PRNP: variants seen among roughly 807,000 people sequenced by gnomAD.
The protein encoded by PRNP is major prion protein.
A neutral mutation model predicts 21.3 loss-of-function variants in PRNP; 15 were observed. That is an observed-to-expected ratio of 0.71 (90% confidence interval 0.47 to 1.09). The LOEUF (loss-of-function observed/expected upper bound fraction) is 1.09, where lower values mean the gene tolerates loss of function less well. Ranked by LOEUF, PRNP falls within the 50% of genes least tolerant of loss-of-function variation. The pLI is 0.00. For missense variants in PRNP, 285 were observed against 340.9 expected, an observed-to-expected ratio of 0.84 and a Z score of 1.29; for synonymous variants, 121 against 123.1, an observed-to-expected ratio of 0.98 and a Z score of 0.11.
chr20:4,699,788 A>G lies in PRNP; in HGVS notation c.568A>G (p.Thr190Ala). 3 of 1,614,060 alleles carry G rather than the reference A, an allele frequency of 1.9e-6. No homozygotes were observed. The highest frequency in any genetic ancestry group is 1.1e-5 in the South Asian group (1 of 91,064). ...TATCACAATCAAGCAGCACACGGTC[A>G]CCACAACCACCAAGGGGGAGAACTT... ...VNITIKQHTV[T>A]TTTKGENFTE... Residue 190 changes from threonine (T) to alanine (A), a missense_variant, in exon 2 of 2, where the codon ACC (threonine) becomes GCC (alanine). By Grantham distance (58) the Thr-to-Ala change is moderately conservative. Transcript: ENST00000379440. This position sits in a 1 kb window ranked among gnomAD's most constrained non-coding sequence, Gnocchi z 5.8.
chr20:4,694,871 C>A (rs887774410), intron 1 of PRNP, among the ~76,000 whole-genome samples: 1 of 151,116 alleles, frequency 6.6e-6, no homozygotes, highest in South Asian at 2.1e-4. Context: ...CATTTTTTTT[C>A]ATTTTTATTA....
Position 4,699,626 on chromosome 20 carries a change from A to AG in PRNP, c.408dup (p.Pro137AlafsTer8). On this transcript the variant is annotated frameshift_variant, in exon 2 of 2. Transcript: ENST00000379440. LOFTEE classifies it high-confidence loss of function. This position sits in a 1 kb window ranked among gnomAD's most constrained non-coding sequence, Gnocchi z 5.8. Reference sequence around the variant, plus strand: ...CTACATGCTGGGAAGTGCCATGAGCAGGCCCATCATACATTTCGGCAGTGA... The same window carrying AG: ...CTACATGCTGGGAAGTGCCATGAGCAGGGCCCATCATACATTTCGGCAGTGA... 1 of 1,614,130 alleles carries AG rather than the reference A, an allele frequency of 6.2e-7. No individual in the cohort carries two copies. Among genetic ancestry groups the AG allele is most frequent in the Non-Finnish European group, 8.5e-7 (1 of 1,180,018 alleles).
Position 4,699,375 on chromosome 20 carries a change from A to C in PRNP, c.155A>C (p.Gln52Pro), listed in dbSNP as rs1425430077. 2 of 1,612,816 alleles carry C rather than the reference A, an allele frequency of 1.2e-6. No homozygotes were observed. Among genetic ancestry groups the C allele is most frequent in the South Asian group, 1.1e-5 (1 of 90,984 alleles). Reference sequence around the variant, plus strand: ...CCTGGAGGCAACCGCTACCCACCTCAGGGCGGTGGTGGCTGGGGGCAGCCT... The same window carrying C: ...CCTGGAGGCAACCGCTACCCACCTCCGGGCGGTGGTGGCTGGGGGCAGCCT... ...GSPGGNRYPP[Q>P]GGGGWGQPHG... Residue 52 changes from glutamine to proline, a missense_variant, in exon 2 of 2, where the codon CAG (glutamine) becomes CCG (proline). Gln to Pro is a moderately conservative substitution (Grantham distance 76). Transcript: ENST00000379440. The surrounding 1 kb of genome is among the most constrained non-coding windows in gnomAD (Gnocchi z 5.8).
intron 1 of PRNP, among the ~76,000 whole-genome samples, chr20:4,691,075 A>C (rs1256434527): frequency 2.0e-5 from 3 of 152,252 alleles, no homozygotes; most frequent in Non-Finnish European, 4.4e-5. Context: ...TAGCTACAAA[A>C]TAAATATTTC....
Position 4,700,927 on chromosome 20 carries a change from G to A in PRNP, c.*945G>A, listed in dbSNP as rs903949879. 2 of 166,828 alleles carry A rather than the reference G, an allele frequency of 1.2e-5. No homozygotes were observed. Among genetic ancestry groups the A allele is most frequent in the Non-Finnish European group, 1.5e-5 (1 of 68,126 alleles). The allele number at this position is 166,828 out of a possible 1,614,324, so 10.3% of individuals were successfully genotyped here. Reference sequence around the variant, plus strand: ...GTTGTGAAAGCACCATCATCATAGAGGATGATGTAATTAAAAAATGGTCAG... The same window carrying A: ...GTTGTGAAAGCACCATCATCATAGAAGATGATGTAATTAAAAAATGGTCAG... On this transcript the variant is annotated 3_prime_UTR_variant, in exon 2 of 2. Transcript: ENST00000379440. The surrounding 1 kb of genome is among the most constrained non-coding windows in gnomAD (Gnocchi z 4.1).
chr20:4,692,131 A>T (rs754453218), intron 1 of PRNP, among the ~76,000 whole-genome samples: 8 of 152,198 alleles, frequency 5.3e-5, no homozygotes, highest in Non-Finnish European at 1.0e-4. Context: ...TTTGCTGGTG[A>T]CTTGGTATCT....
intron 1 of PRNP, among the ~76,000 whole-genome samples, chr20:4,691,850 G>A (rs1376712235): frequency 2.0e-5 from 3 of 152,146 alleles, no homozygotes. Context: ...AATTAAGTTT[G>A]TTAAGACTTG....
In PRNP at chr20:4,699,441, GGCA is replaced by G. The variant is rs1197265879; in HGVS notation, c.224_226del (p.Gln75del). On this transcript the variant is annotated inframe_deletion, in exon 2 of 2. Coordinates refer to ENST00000379440, the MANE Select transcript of PRNP (RefSeq NM_000311.5). This position sits in a 1 kb window ranked among gnomAD's most constrained non-coding sequence, Gnocchi z 5.8. ...GGGCAGCCTCATGGTGGTGGCTGGG[GGCA>G]GCCCCATGGTGGTGGCTGGGGACAG... The G allele has an allele frequency of 1.2e-6, 2 of 1,611,844 alleles. No homozygotes were observed. The highest frequency in any genetic ancestry group is 1.1e-5 in the South Asian group (1 of 90,962).
chr20:4,686,830 C>T lies in PRNP; in HGVS notation c.-11+318C>T, dbSNP rs1477148258. On this transcript the variant is annotated intron_variant, in intron 1 of 1. Transcript: ENST00000379440. This position sits in a 1 kb window ranked among gnomAD's most constrained non-coding sequence, Gnocchi z 6.7. Reference sequence around the variant, plus strand: ...GGTGGCGCCGGGGTGTCTCAGCGCCCCCTGCACCCCGCGCGGGTCCGGCCC... The same window carrying T: ...GGTGGCGCCGGGGTGTCTCAGCGCCTCCTGCACCCCGCGCGGGTCCGGCCC... The T allele has an allele frequency of 6.6e-6, 1 of 151,728 alleles. No individual in the cohort carries two copies. Among genetic ancestry groups the T allele is most frequent in the Admixed American group, 6.6e-5 (1 of 15,232 alleles). 9.4% of individuals were successfully genotyped at this position (151,728 alleles called of 1,614,324 possible). A position where few individuals can be genotyped will look rare whatever the true frequency, so the allele number is the denominator to read the frequency against.
At position 4,699,077 on chromosome 20, in the gene PRNP, G is replaced by C; in HGVS notation, c.-10-134G>C. ...TTTTGCTTTTGTCCTAAGTGCTTCA[G>C]AGAAGTACAGGGTGGCAACAGTGTT... On this transcript the variant is annotated intron_variant, in intron 1 of 1. Transcript: ENST00000379440. This position sits in a 1 kb window ranked among gnomAD's most constrained non-coding sequence, Gnocchi z 5.8. 9.2e-7 allele frequency: 1 copy of C among 1,081,844 alleles called. No homozygotes were observed. The allele number at this position is 1,081,844 out of a possible 1,614,324, so 67.0% of individuals were successfully genotyped here.
chr20:4,691,189 A>C (rs117757976), intron 1 of PRNP, among the ~76,000 whole-genome samples: 2,361 of 152,336 alleles, frequency 0.015, 23 homozygotes, highest in Middle Eastern at 0.027. Context: ...GCCTGTGCTC[A>C]TGGGGGGATA....
chr20:4,693,448 G>A (rs1921958620), intron 1 of PRNP, among the ~76,000 whole-genome samples: 1 of 152,168 alleles, frequency 6.6e-6, no homozygotes, highest in Non-Finnish European at 1.5e-5. Flanking sequence ...TGGGATTATA[G>A]GCTTGAGCTG....
chr20:4,699,922 C>G lies in PRNP; in HGVS notation c.702C>G (p.Leu234=), dbSNP rs1413219990. 2.5e-6 allele frequency: 4 copies of G among 1,613,942 alleles called. No individual in the cohort carries two copies. Among genetic ancestry groups the G allele is most frequent in the Non-Finnish European group, 3.4e-6 (4 of 1,179,968 alleles). ...ACCAGAGAGGATCGAGCATGGTCCTCTTCTCCTCTCCACCTGTGATCCTCC... is the reference window on the plus strand; with the variant it reads ...ACCAGAGAGGATCGAGCATGGTCCTGTTCTCCTCTCCACCTGTGATCCTCC... The part of the protein sequence containing the change: ...AYYQRGSSMV[L]FSSPPVILLI... Residue 234 remains leucine (L), a synonymous_variant, in exon 2 of 2, where the codon CTC becomes CTG. Coordinates refer to ENST00000379440, the MANE Select transcript of PRNP (RefSeq NM_000311.5). This position sits in a 1 kb window ranked among gnomAD's most constrained non-coding sequence, Gnocchi z 5.8.
chr20:4,690,896 G>A (rs561958175), intron 1 of PRNP, among the ~76,000 whole-genome samples: 4 of 152,118 alleles, frequency 2.6e-5, no homozygotes, highest in Non-Finnish European at 4.4e-5. Flanking sequence ...ATTTGGAGAC[G>A]ACATGATTTT....
intron 1 of PRNP, among the ~76,000 whole-genome samples, chr20:4,694,858 T>C (rs980478412): frequency 1.3e-5 from 2 of 152,172 alleles, no homozygotes; most frequent in Admixed American, 1.3e-4. Flanking sequence ...TTAAGTGTTA[T>C]ATCATTTTTT....
intron 1 of PRNP, among the ~76,000 whole-genome samples, chr20:4,688,565 G>A (rs1921622652): frequency 6.6e-6 from 1 of 152,152 alleles, no homozygotes. Context: ...AACAAAAACA[G>A]GCATGTATTC....
At chr20:4,689,336 A>G (rs1921675965) in intron 1 of PRNP, among the ~76,000 whole-genome samples, 3 of 152,194 alleles carry the variant, frequency 2.0e-5, no homozygotes. Flanking sequence ...CAAGCTCTTG[A>G]TCCAGAGGCC....
chr20:4,692,643 T>C (rs1921905718), intron 1 of PRNP, among the ~76,000 whole-genome samples: 1 of 152,224 alleles, frequency 6.6e-6, no homozygotes, highest in Non-Finnish European at 1.5e-5. Context: ...TTAGGAATGA[T>C]ATTGATTTTC....
chr20:4,699,274 C>A lies in PRNP; in HGVS notation c.54C>A (p.Asp18Glu), dbSNP rs548116564. 3 of 1,614,038 alleles carry A rather than the reference C, an allele frequency of 1.9e-6. No homozygotes were observed. Among genetic ancestry groups the A allele is most frequent in the African/African-American group, 2.7e-5 (2 of 75,036 alleles). The stretch of plus-strand genomic sequence containing the variant: ...TTCTCTTTGTGGCCACATGGAGTGA[C>A]CTGGGCCTCTGCAAGAAGCGCCCGA... ...MLVLFVATWS[D>E]LGLCKKRPKP... Residue 18 changes from aspartate (D) to glutamate (E), a missense_variant, in exon 2 of 2, where the codon GAC becomes GAA. Coordinates refer to ENST00000379440, the MANE Select transcript of PRNP (RefSeq NM_000311.5). The surrounding 1 kb of genome is among the most constrained non-coding windows in gnomAD (Gnocchi z 5.8).
Sources: allele counts gnomAD v4.1 joint callset (sites outside exome capture counted in the v4.1 genomes callset), GRCh38; gene constraint gnomAD v4.1.1; non-coding constraint Gnocchi (gnomAD v3.1); transcripts MANE v1.5; gene names NCBI Gene and HGNC (gene_info 2026-07-23, HGNC 2026-07-21).